CCDC66: variants seen among roughly 807,000 people sequenced by gnomAD.
CCDC66 encodes coiled-coil domain-containing protein 66.
A neutral mutation model predicts 128.3 loss-of-function variants in CCDC66; 133 were observed. The observed-to-expected ratio is 1.04, with a 90% confidence interval of 0.90 to 1.20. The LOEUF (loss-of-function observed/expected upper bound fraction) is 1.20. Among genes scored for constraint, CCDC66 ranks in the 50% most tolerant of loss-of-function variants. The pLI is 0.00. For synonymous variants in CCDC66, 387 were observed against 357.0 expected (o/e 1.08, Z -0.95); for missense variants, 1,126 against 1,075.5 (o/e 1.05, Z -0.66).
chr3:56,610,480 A>G (rs1172633299), intron 10 of CCDC66, among the ~76,000 whole-genome samples: 1 of 151,842 alleles, frequency 6.6e-6, no homozygotes, highest in Non-Finnish European at 1.5e-5. Context: ...TTCTTGTATC[A>G]TTTTTCTGAT....
chr3:56,571,570 A>G (rs907053786), intron 7 of CCDC66, among the ~76,000 whole-genome samples: 2 of 151,656 alleles, frequency 1.3e-5, no homozygotes, highest in African/African-American at 4.8e-5. Flanking sequence ...CTTAATAGAG[A>G]TGGTATTTCA....
At chr3:56,590,023 T>G (rs1231587602) in intron 7 of CCDC66, among the ~76,000 whole-genome samples, 2 of 152,198 alleles carry the variant, frequency 1.3e-5, no homozygotes, top group Non-Finnish European at 2.9e-5. Flanking sequence ...TTTGCTGCTG[T>G]TCCTCCTGTA....
intron 10 of CCDC66, among the ~76,000 whole-genome samples, 197 bp from the exon 11 acceptor site, chr3:56,613,392 C>T (rs1264248192): frequency 6.6e-6 from 1 of 152,198 alleles, no homozygotes; most frequent in African/African-American, 2.4e-5. Context: ...TGCTTTCTTC[C>T]TTGCTTTTGA....
chr3:56,614,031 G>C (rs538286827), intron 11 of CCDC66, among the ~76,000 whole-genome samples: 1 of 152,302 alleles, frequency 6.6e-6, no homozygotes, highest in East Asian at 1.9e-4. Context: ...GGTATTACAG[G>C]TGTGAGCTAC....
Position 56,616,056 on chromosome 3 carries a change from A to G in CCDC66, c.1843+3A>G, listed in dbSNP as rs770780498. 9 of 1,578,524 alleles carry G rather than the reference A, an allele frequency of 5.7e-6. No homozygotes were observed. In the Admixed American group the frequency reaches 1.7e-4, roughly 30 times the overall value. ...GAAGGATACTGGTGTGCAAACAGGT[A>G]TTTGTGTGGAAATTGTGGTTTGGTT... On this transcript the variant is annotated splice_donor_region_variant and intron_variant, in intron 13 of 17. Transcript: ENST00000394672.
Position 56,557,598 on chromosome 3 carries a change from A to T in CCDC66, c.11+345A>T, listed in dbSNP as rs1010305867. On this transcript the variant is annotated intron_variant, in intron 1 of 17. Coordinates refer to ENST00000394672, the MANE Select transcript of CCDC66 (RefSeq NM_001141947.3). ...GGAAGCGTGGCGGCTCCTGGGGAGG[A>T]CTCCTGGCCCATGCCCCGGGTTCTT... The T allele has an allele frequency of 9.5e-6, 3 of 314,666 alleles. No homozygotes were observed. In the Admixed American group the frequency reaches 1.4e-4, roughly 15 times the overall value. 19.5% of individuals were successfully genotyped at this position (314,666 alleles called of 1,614,324 possible).
At chr3:56,571,723 T>G (rs1484706614) in intron 7 of CCDC66, among the ~76,000 whole-genome samples, 1 of 152,082 alleles carries the variant, frequency 6.6e-6, no homozygotes, top group East Asian at 1.9e-4. Flanking sequence ...GTATGTGTGT[T>G]TTTTTTAAAA....
At position 56,566,591 on chromosome 3, in the gene CCDC66, T is replaced by G. The variant is rs1483934971; in HGVS notation, c.545-3T>G. ...ATTTTAAAACATGTATTTTACCTCC[T>G]AGGTCAATATAGTCTATATTTAAAC... is the stretch of plus-strand genomic sequence containing the variant. On this transcript the variant is annotated splice_polypyrimidine_tract_variant and splice_region_variant and intron_variant, in intron 4 of 17. Transcript: ENST00000394672. 1 of 1,537,704 alleles carries G rather than the reference T, an allele frequency of 6.5e-7. No homozygotes were observed. Among genetic ancestry groups the G allele is most frequent in the South Asian group, 1.1e-5 (1 of 87,450 alleles).
chr3:56,566,947 T>C lies in CCDC66; in HGVS notation c.711-3T>C. On this transcript the variant is annotated splice_region_variant and splice_polypyrimidine_tract_variant and intron_variant, in intron 5 of 17. Coordinates refer to ENST00000394672, the MANE Select transcript of CCDC66 (RefSeq NM_001141947.3). ...TTCTGTTATCTTTTGTGTTTTACCT[T>C]AGAGAGAATGAATGGAAACCAGCTG... is the stretch of plus-strand genomic sequence containing the variant. 1 of 1,610,410 alleles carries C rather than the reference T, an allele frequency of 6.2e-7. No individual in the cohort carries two copies. Among genetic ancestry groups the C allele is most frequent in the Non-Finnish European group, 8.5e-7 (1 of 1,176,912 alleles).
chr3:56,591,863 T>C (rs1380367291), intron 7 of CCDC66, among the ~76,000 whole-genome samples: 1 of 152,198 alleles, frequency 6.6e-6, no homozygotes, highest in Non-Finnish European at 1.5e-5. Flanking sequence ...AGTAACATTG[T>C]GAGGTATATC....
At chr3:56,565,653 G>A (rs550214273) in intron 4 of CCDC66, among the ~76,000 whole-genome samples, 32 of 149,626 alleles carry the variant, frequency 2.1e-4, no homozygotes, top group African/African-American at 6.4e-4. Flanking sequence ...GTCTCGCTCC[G>A]TTGCCCAGGC....
Position 56,593,704 on chromosome 3 carries a change from A to T in CCDC66, c.1282A>T (p.Ile428Phe). Reference sequence around the variant, plus strand: ...AGAGGAGGAGCATATAGCAAAACCTATTAAGGATGTGGTTATGGCAAACAG... The same window carrying T: ...AGAGGAGGAGCATATAGCAAAACCTTTTAAGGATGTGGTTATGGCAAACAG... ...PSEEEHIAKP[I>F]KDVVMANSKK... Residue 428 changes from isoleucine to phenylalanine, a missense_variant, in exon 9 of 18, where the codon ATT becomes TTT. Coordinates refer to ENST00000394672, the MANE Select transcript of CCDC66 (RefSeq NM_001141947.3). 8.7e-6 allele frequency: 14 copies of T among 1,614,040 alleles called. No homozygotes were observed. The highest frequency in any genetic ancestry group is 1.2e-5 in the Non-Finnish European group (14 of 1,179,856).
In CCDC66 at chr3:56,621,512, A is replaced by C; in HGVS notation, c.2761-20A>C. ...AGGTGTGCACATTTTACTAACAAAC[A>C]TATATCAATGTGATTTCAGGGCCTT... On this transcript the variant is annotated intron_variant, in intron 17 of 17. Transcript: ENST00000394672. 1.3e-6 allele frequency: 2 copies of C among 1,519,822 alleles called. No homozygotes were observed. Among genetic ancestry groups the C allele is most frequent in the Non-Finnish European group, 1.8e-6 (2 of 1,113,506 alleles). 94.1% of individuals were successfully genotyped at this position (1,519,822 alleles called of 1,614,324 possible). A position where few individuals can be genotyped will look rare whatever the true frequency, so the allele number is the denominator to read the frequency against.
At position 56,621,807 on chromosome 3, in the gene CCDC66, A is replaced by AAGCTT. The variant is rs1415096221; in HGVS notation, c.*192_*196dup. On this transcript the variant is annotated 3_prime_UTR_variant, in exon 18 of 18. Transcript: ENST00000394672. ...AATAAAACAGATACTTCTTTTGTAA[A>AAGCTT]AGCTTAGTAGTAAAAAAAAAAAAAA... The AAGCTT allele has an allele frequency of 3.6e-6, 1 of 276,948 alleles. No individual in the cohort carries two copies. Among genetic ancestry groups the AAGCTT allele is most frequent in the Admixed American group, 5.1e-5 (1 of 19,462 alleles). The allele number at this position is 276,948 out of a possible 1,614,324, so 17.2% of individuals were successfully genotyped here.
intron 13 of CCDC66, 159 bp from the exon 14 acceptor site, chr3:56,616,953 G>A: frequency 2.0e-6 from 1 of 503,910 alleles, no homozygotes; most frequent in East Asian, 3.3e-5. Flanking sequence ...TTGGGAGTAT[G>A]TGGTTGTTCT....
At chr3:56,570,428 T>G (rs1312804571) in intron 6 of CCDC66, 4 of 152,238 alleles carry the variant, frequency 2.6e-5, no homozygotes, top group Non-Finnish European at 5.9e-5. Context: ...TTATCCCCAT[T>G]TTATAGAAGA....
At chr3:56,585,105 TGGGGAG>T (rs1351320772) in intron 7 of CCDC66, among the ~76,000 whole-genome samples, 1 of 77,610 alleles carries the variant, frequency 1.3e-5, no homozygotes. Context: ...AGGGAGACCA[TGGGGAG>T]GGGGAGGGGG....
intron 7 of CCDC66, among the ~76,000 whole-genome samples, chr3:56,586,022 A>G (rs1353129315): frequency 6.6e-6 from 1 of 151,946 alleles, no homozygotes; most frequent in African/African-American, 2.4e-5. Flanking sequence ...ACTAGTACAT[A>G]CATAAACACA....
intron 10 of CCDC66, among the ~76,000 whole-genome samples, chr3:56,606,112 G>A (rs2074032906): frequency 6.6e-6 from 1 of 152,070 alleles, no homozygotes; most frequent in South Asian, 2.1e-4. Context: ...AGTGGTGGGT[G>A]CCCCTCACCC....
Sources: allele counts gnomAD v4.1 joint callset (sites outside exome capture counted in the v4.1 genomes callset), GRCh38; gene constraint gnomAD v4.1.1; transcripts MANE v1.5; gene names NCBI Gene and HGNC (gene_info 2026-07-23, HGNC 2026-07-21).